FHIT: variants seen among roughly 807,000 people sequenced by gnomAD.
The protein encoded by FHIT is fragile histidine triad diadenosine triphosphatase.
Under a neutral mutation model 17.9 loss-of-function variants are expected in FHIT, and 19 were observed. The ratio of observed to expected loss-of-function variants is 1.06; its 90% CI spans 0.74 to 1.56. FHIT has a LOEUF of 1.56. Ranked by LOEUF, FHIT falls within the 40% of genes most tolerant of loss-of-function variation. The pLI is 0.00. For missense variants in FHIT, 248 were observed against 189.2 expected (o/e 1.31, Z -1.82); for synonymous variants, 81 against 69.7 (o/e 1.16, Z -0.81).
intron 5 of FHIT, among the ~76,000 whole-genome samples, chr3:60,048,612 G>C (rs1055930772): frequency 1.3e-5 from 2 of 152,178 alleles, no homozygotes; most frequent in Non-Finnish European, 2.9e-5. Flanking sequence ...TCTACAAAAC[G>C]CAACGGTGGG....
intron 4 of FHIT, among the ~76,000 whole-genome samples, chr3:60,807,335 G>A (rs1381733930): frequency 6.6e-6 from 1 of 151,938 alleles, no homozygotes; most frequent in Non-Finnish European, 1.5e-5. Flanking sequence ...ATATTTTCTA[G>A]GCTGAAGCAG....
At chr3:61,189,049 T>A (rs2107200140) in intron 2 of FHIT, among the ~76,000 whole-genome samples, 1 of 152,076 alleles carries the variant, frequency 6.6e-6, no homozygotes, top group Admixed American at 6.5e-5. Flanking sequence ...CTCTTACCAC[T>A]CCTATTCAAC....
chr3:59,846,092 T>A (rs1701708729), intron 8 of FHIT, among the ~76,000 whole-genome samples: 1 of 152,130 alleles, frequency 6.6e-6, no homozygotes, highest in Admixed American at 6.6e-5. Flanking sequence ...TTTAAAGTAA[T>A]TACTGTTAAG....
At chr3:61,031,219 A>G (rs1045841773) in intron 3 of FHIT, among the ~76,000 whole-genome samples, 1 of 152,230 alleles carries the variant, frequency 6.6e-6, no homozygotes, top group African/African-American at 2.4e-5. Flanking sequence ...TTTGGTAACC[A>G]TGAGAAGCTT....
chr3:60,424,810 C>G lies in FHIT; in HGVS notation c.103+112050G>C, dbSNP rs78288764. 3.9e-4 allele frequency among the ~76,000 whole-genome samples: 59 copies of G among 152,210 alleles called. No homozygotes were observed. The East Asian group carries it at 0.01, about 26-fold the overall frequency. On this transcript the variant is annotated intron_variant, in intron 5 of 9. Coordinates refer to ENST00000492590, the MANE Select transcript of FHIT (RefSeq NM_002012.4). ...AAAAAATGCTATAAAATCCAACCCCCATTGTGGGGTGTCATTTCTAACAAT... is the reference window on the plus strand; with the variant it reads ...AAAAAATGCTATAAAATCCAACCCCGATTGTGGGGTGTCATTTCTAACAAT...
At chr3:60,486,241 G>T (rs916509423) in intron 5 of FHIT, among the ~76,000 whole-genome samples, 5 of 152,118 alleles carry the variant, frequency 3.3e-5, no homozygotes, top group Admixed American at 6.5e-5. Flanking sequence ...TTCAGGGCTA[G>T]AATTTCCAAT....
chr3:60,034,489 C>T (rs900751178), intron 5 of FHIT, among the ~76,000 whole-genome samples: 1 of 152,170 alleles, frequency 6.6e-6, no homozygotes, highest in East Asian at 1.9e-4. Flanking sequence ...AATTTCCCAT[C>T]AATTAGAGGG....
intron 8 of FHIT, chr3:59,886,248 G>C (rs936245703): frequency 4.6e-5 from 7 of 152,214 alleles, no homozygotes. Flanking sequence ...CTCATTCCCA[G>C]GTGAGCCTGA....
At chr3:60,462,597 C>T (rs553387292) in intron 5 of FHIT, among the ~76,000 whole-genome samples, 9 of 152,198 alleles carry the variant, frequency 5.9e-5, no homozygotes, top group African/African-American at 1.9e-4. Context: ...GGAAGAGCAT[C>T]GAGGTAGGAG....
At chr3:61,152,268 A>G (rs1384486858) in intron 2 of FHIT, among the ~76,000 whole-genome samples, 5 of 152,206 alleles carry the variant, frequency 3.3e-5, no homozygotes, top group Non-Finnish European at 7.3e-5. Flanking sequence ...AAGAATCCTC[A>G]GAGATAACAG....
At chr3:60,530,145 G>C (rs2035722740) in intron 5 of FHIT, among the ~76,000 whole-genome samples, 1 of 152,140 alleles carries the variant, frequency 6.6e-6, no homozygotes, top group African/African-American at 2.4e-5. Flanking sequence ...TCAAGATCAA[G>C]GAAAGACAGT....
intron 5 of FHIT, among the ~76,000 whole-genome samples, chr3:60,344,652 A>T (rs1460400070): frequency 6.6e-6 from 1 of 152,212 alleles, no homozygotes; most frequent in Non-Finnish European, 1.5e-5. Context: ...ACGCCTCCAA[A>T]CTTGTTAGAA....
chr3:60,864,794 G>T (rs527262335), intron 3 of FHIT, among the ~76,000 whole-genome samples: 1 of 152,012 alleles, frequency 6.6e-6, no homozygotes, highest in Non-Finnish European at 1.5e-5. Flanking sequence ...TCTTAGGAAC[G>T]CAGTGTATAG....
At chr3:60,165,425 G>A (rs1701128906) in intron 5 of FHIT, among the ~76,000 whole-genome samples, 1 of 152,202 alleles carries the variant, frequency 6.6e-6, no homozygotes, top group African/African-American at 2.4e-5. Context: ...GTACATGGGA[G>A]TCACTAATGC....
chr3:60,599,311 T>A lies in FHIT; in HGVS notation c.-17-62332A>T, dbSNP rs140173531. Among the ~76,000 whole-genome samples, 12 of 152,256 alleles carry A rather than the reference T, an allele frequency of 7.9e-5. No individual in the cohort carries two copies. The East Asian group carries it at 2.1e-3, about 27-fold the overall frequency. ...CAGTCTAGAGAGATTAGGTGATATA[T>A]CCACAGTCACAGTCAATTGGCCAGT... On this transcript the variant is annotated intron_variant, in intron 4 of 9. Transcript: ENST00000492590.
chr3:60,225,308 T>C (rs2107541520), intron 5 of FHIT, among the ~76,000 whole-genome samples: 1 of 152,304 alleles, frequency 6.6e-6, no homozygotes, highest in East Asian at 1.9e-4. Context: ...ATTCTTTTGA[T>C]ATCCTCATTT....
In FHIT at chr3:61,210,606, A is replaced by C. The variant is rs371912350; in HGVS notation, c.-212-9941T>G. 3.3e-5 allele frequency among the ~76,000 whole-genome samples: 5 copies of C among 152,184 alleles called. No individual in the cohort carries two copies. The East Asian group carries it at 9.7e-4, about 29-fold the overall frequency. On this transcript the variant is annotated intron_variant, in intron 1 of 9. Transcript: ENST00000492590. ...CCGTGGGCGTAGGGCCCTCCGAGCC[A>C]TGTGCGGTATATAATCTCCTGGTGT... is the stretch of plus-strand genomic sequence containing the variant.
chr3:60,541,748 G>C (rs1056266047), intron 4 of FHIT, among the ~76,000 whole-genome samples: 1 of 152,152 alleles, frequency 6.6e-6, no homozygotes, highest in African/African-American at 2.4e-5. Flanking sequence ...CCAATACTGA[G>C]GCAAAGACAG....
chr3:61,001,356 A>T (rs1338413365), intron 3 of FHIT, among the ~76,000 whole-genome samples: 2 of 152,226 alleles, frequency 1.3e-5, no homozygotes, highest in African/African-American at 4.8e-5. Flanking sequence ...AAATTTAAAC[A>T]TGAATGTTCG....
Sources: allele counts gnomAD v4.1 joint callset (sites outside exome capture counted in the v4.1 genomes callset), GRCh38; gene constraint gnomAD v4.1.1; transcripts MANE v1.5; gene names NCBI Gene and HGNC (gene_info 2026-07-23, HGNC 2026-07-21).